EPHB1: variants seen among roughly 807,000 people sequenced by gnomAD.
EPHB1 encodes ephrin type-B receptor 1.
In EPHB1, 30 loss-of-function variants were observed where a neutral mutation model predicts 94.4. That is an observed-to-expected ratio of 0.32 (90% CI 0.24 to 0.43). EPHB1 has a LOEUF of 0.43. Ranked by LOEUF, EPHB1 falls within the 20% of genes least tolerant of loss-of-function variation. The pLI is 1.00. For missense variants in EPHB1, 1,055 were observed against 1,308.3 expected (o/e 0.81, Z 2.99); for synonymous variants, 522 against 489.1 (o/e 1.07, Z -0.89).
intron 3 of EPHB1, among the ~76,000 whole-genome samples, chr3:135,029,397 A>G (rs55959540): frequency 0.25 from 37,003 of 148,536 alleles, 6,065 homozygotes; most frequent in East Asian, 0.71. Flanking sequence ...CTTCCTTCAG[A>G]AGCTCTTTTA....
At chr3:135,080,544 G>A (rs1398053216) in intron 3 of EPHB1, among the ~76,000 whole-genome samples, 2 of 152,160 alleles carry the variant, frequency 1.3e-5, no homozygotes, top group Non-Finnish European at 2.9e-5. Context: ...AGATTGAATA[G>A]TCTGAGGAGA....
At chr3:135,099,327 GGATGGACGGA>G (rs1938942494) in intron 3 of EPHB1, among the ~76,000 whole-genome samples, 1 of 84,438 alleles carries the variant, frequency 1.2e-5, no homozygotes, top group Non-Finnish European at 3.1e-5. Flanking sequence ...ATGGACGGAT[GGATGGACGGA>G]TGGATGGATG....
chr3:134,999,921 C>T (rs1310719056), intron 3 of EPHB1, among the ~76,000 whole-genome samples: 1 of 152,212 alleles, frequency 6.6e-6, no homozygotes, highest in Non-Finnish European at 1.5e-5. Context: ...ACTTTTCTTG[C>T]AGGGTATTGC....
chr3:135,241,401 G>C, intron 13 of EPHB1, 104 bp downstream of exon 13: 2 of 1,424,868 alleles, frequency 1.4e-6, no homozygotes, highest in South Asian at 2.5e-5. Flanking sequence ...CTCATAATCT[G>C]AACCTGCAGT....
intron 1 of EPHB1, among the ~76,000 whole-genome samples, chr3:134,828,720 C>T (rs1002495528): frequency 5.9e-5 from 9 of 152,142 alleles, no homozygotes; most frequent in African/African-American, 1.9e-4. Flanking sequence ...TTGAAGGAGG[C>T]TGCAGGCCAG....
At chr3:134,927,760 C>A (rs952487687) in intron 2 of EPHB1, among the ~76,000 whole-genome samples, 2 of 152,236 alleles carry the variant, frequency 1.3e-5, no homozygotes, top group African/African-American at 4.8e-5. Flanking sequence ...CTGGGCTCTG[C>A]CTGTTTGCCC....
At chr3:135,084,517 C>T (rs565102067) in intron 3 of EPHB1, among the ~76,000 whole-genome samples, 38 of 152,188 alleles carry the variant, frequency 2.5e-4, no homozygotes, top group African/African-American at 8.2e-4. Context: ...TGACTGGCTG[C>T]GTGATGGATG....
At chr3:135,100,354 T>G (rs1938992108) in intron 3 of EPHB1, among the ~76,000 whole-genome samples, 1 of 152,230 alleles carries the variant, frequency 6.6e-6, no homozygotes, top group Non-Finnish European at 1.5e-5. Context: ...GGTCTCCATT[T>G]TATCTTCCTT....
chr3:135,005,486 C>G (rs925240998), intron 3 of EPHB1, among the ~76,000 whole-genome samples: 5 of 152,208 alleles, frequency 3.3e-5, no homozygotes, highest in Admixed American at 1.3e-4. Context: ...TGGGCTCCAC[C>G]CAGTTAGAGC....
chr3:134,931,980 T>C (rs1426342707), intron 2 of EPHB1, among the ~76,000 whole-genome samples: 1 of 151,664 alleles, frequency 6.6e-6, no homozygotes, highest in Non-Finnish European at 1.5e-5. Context: ...TATATGTATG[T>C]GTATATATAT....
At chr3:134,860,752 G>A (rs951710889) in intron 1 of EPHB1, among the ~76,000 whole-genome samples, 15 of 105,590 alleles carry the variant, frequency 1.4e-4, no homozygotes, top group East Asian at 7.7e-4. Context: ...GGCAGAGGTT[G>A]CAGTGAGCCG....
intron 13 of EPHB1, among the ~76,000 whole-genome samples, chr3:135,246,984 T>TA (rs1206614974): frequency 6.6e-6 from 1 of 152,168 alleles, no homozygotes; most frequent in African/African-American, 2.4e-5. Context: ...ATAAAGTATA[T>TA]AAAAAAGAAA....
At chr3:134,853,667 T>C (rs528590096) in intron 1 of EPHB1, among the ~76,000 whole-genome samples, 1 of 152,184 alleles carries the variant, frequency 6.6e-6, no homozygotes, top group South Asian at 2.1e-4. Context: ...GAGTTCAAGA[T>C]GGAAGGTGGT....
In EPHB1 at chr3:135,154,247, C is replaced by T; in HGVS notation, c.1393C>T (p.Leu465=). The part of the protein sequence containing the change: ...PQPEQPNGII[L]DYEIRYYEKE... ...GCCGGAGCAGCCCAATGGCATCATC[C>T]TGGACTATGAGATCCGGTACTATGA... is the stretch of plus-strand genomic sequence containing the variant. Residue 465 remains leucine, a synonymous_variant, in exon 6 of 16, where the codon CTG becomes TTG. Coordinates refer to ENST00000398015, the MANE Select transcript of EPHB1 (RefSeq NM_004441.5). The T allele has an allele frequency of 6.2e-7, 1 of 1,614,028 alleles. No homozygotes were observed.
intron 4 of EPHB1, among the ~76,000 whole-genome samples, chr3:135,129,975 C>T (rs1007556562): frequency 6.6e-6 from 1 of 152,098 alleles, no homozygotes; most frequent in Non-Finnish European, 1.5e-5. Context: ...AGCAAGATCC[C>T]ACGGGGGCTT....
chr3:134,944,310 A>G (rs932642257), intron 2 of EPHB1, among the ~76,000 whole-genome samples: 21 of 152,192 alleles, frequency 1.4e-4, no homozygotes, highest in African/African-American at 5.1e-4. Context: ...ATTCTTTTTT[A>G]TTTTGGAATA....
intron 1 of EPHB1, among the ~76,000 whole-genome samples, chr3:134,818,543 C>T (rs1257344107): frequency 6.6e-6 from 1 of 152,170 alleles, no homozygotes; most frequent in East Asian, 1.9e-4. Context: ...TCTTCCCTCT[C>T]TTACCCCAAA....
At chr3:134,843,073 A>G (rs768610358) in intron 1 of EPHB1, among the ~76,000 whole-genome samples, 6 of 151,906 alleles carry the variant, frequency 3.9e-5, no homozygotes, top group Non-Finnish European at 7.4e-5. Context: ...TTTGTATTTT[A>G]TGCAGATTTG....
Position 134,951,251 on chromosome 3 carries a change from G to A in EPHB1, c.124-120G>A. Reference sequence around the variant, plus strand: ...TGTTCATTTCTCAAGTCAATCTGCTGGACTGGTGAGCTCTTAAGGCCCCTT... The same window carrying A: ...TGTTCATTTCTCAAGTCAATCTGCTAGACTGGTGAGCTCTTAAGGCCCCTT... On this transcript the variant is annotated intron_variant, in intron 2 of 15. Coordinates refer to ENST00000398015, the MANE Select transcript of EPHB1 (RefSeq NM_004441.5). This position sits in a 1 kb window ranked among gnomAD's most constrained non-coding sequence, Gnocchi z 4.5. The A allele has an allele frequency of 1.3e-6, 1 of 774,550 alleles. No homozygotes were observed. 48.0% of individuals were successfully genotyped at this position (774,550 alleles called of 1,614,324 possible). A position where few individuals can be genotyped will look rare whatever the true frequency, so the allele number is the denominator to read the frequency against.
Sources: allele counts gnomAD v4.1 joint callset (sites outside exome capture counted in the v4.1 genomes callset), GRCh38; gene constraint gnomAD v4.1.1; non-coding constraint Gnocchi (gnomAD v3.1); transcripts MANE v1.5; gene names NCBI Gene and HGNC (gene_info 2026-07-23, HGNC 2026-07-21).